The following GLI2 variants were observed in gnomAD, a reference collection of about 807,000 sequenced individuals.
GLI2 encodes GLI family zinc finger 2, also known as transcription activator GLI2.
Under a neutral mutation model 78.9 loss-of-function variants are expected in GLI2, and 22 were observed. The ratio of observed to expected loss-of-function variants is 0.28; its 90% CI spans 0.20 to 0.40. The LOEUF (loss-of-function observed/expected upper bound fraction) is 0.40, where lower values mean the gene tolerates loss of function less well. Ranked by LOEUF, GLI2 falls within the 10% of genes least tolerant of loss-of-function variation. The probability of loss-of-function intolerance (pLI) is 1.00; values close to 1 mark genes in which losing one functional copy is unlikely to be tolerated. For missense variants in GLI2, 2,097 were observed against 2,213.2 expected, an observed-to-expected ratio of 0.95 and a Z score of 1.05; for synonymous variants, 974 against 963.7, an observed-to-expected ratio of 1.01 and a Z score of -0.20.
intron 1 of GLI2, among the ~76,000 whole-genome samples, chr2:120,752,430 C>T (rs143171563): frequency 5.9e-5 from 9 of 152,130 alleles, no homozygotes; most frequent in African/African-American, 9.6e-5. Context: ...CCACGATGCT[C>T]GGCTAACTTT....
chr2:120,945,192 G>A (rs961754567), intron 3 of GLI2, among the ~76,000 whole-genome samples: 9 of 152,340 alleles, frequency 5.9e-5, no homozygotes, highest in East Asian at 5.8e-4. Context: ...TCGGGAAGAA[G>A]CATAGGCGTC....
chr2:120,817,795 C>T (rs72971933), intron 2 of GLI2, among the ~76,000 whole-genome samples: 3,666 of 152,186 alleles, frequency 0.024, 132 homozygotes, highest in African/African-American at 0.082. Context: ...CACCTGGCCC[C>T]GCTCCAGACT....
At chr2:120,838,098 T>A (rs1220974087) in intron 2 of GLI2, among the ~76,000 whole-genome samples, 1 of 152,226 alleles carries the variant, frequency 6.6e-6, no homozygotes, top group African/African-American at 2.4e-5. Context: ...CATTTTGAGT[T>A]TTCCCGCCCA....
At chr2:120,788,557 C>T (rs1558796191) in intron 1 of GLI2, among the ~76,000 whole-genome samples, 1 of 152,224 alleles carries the variant, frequency 6.6e-6, no homozygotes, top group Admixed American at 6.5e-5. Flanking sequence ...CAACTCTTAT[C>T]GGAGGCTGGC....
At chr2:120,982,620 G>GGAGCA (rs2105063603) in intron 10 of GLI2, 96 bp from the exon 11 acceptor site, 2 of 1,015,152 alleles carry the variant, frequency 2.0e-6, no homozygotes, top group South Asian at 1.5e-5. Flanking sequence ...CTGACGGGTT[G>GGAGCA]GAGCAGAGCA....
chr2:120,859,482 G>C (rs1340842519), intron 2 of GLI2, among the ~76,000 whole-genome samples: 7 of 133,920 alleles, frequency 5.2e-5, no homozygotes, highest in African/African-American at 1.7e-4. Context: ...TTTTGACAGA[G>C]TCTCGCTCTG....
intron 2 of GLI2, among the ~76,000 whole-genome samples, chr2:120,918,656 GT>G (rs1268655240): frequency 6.6e-6 from 1 of 152,142 alleles, no homozygotes; most frequent in Non-Finnish European, 1.5e-5. Flanking sequence ...GGCCAGGATG[GT>G]GTCAAACTCC....
chr2:120,927,611 T>C (rs555092146), intron 3 of GLI2, 145 bp downstream of exon 3: 123 of 731,872 alleles, frequency 1.7e-4, no homozygotes, highest in African/African-American at 1.6e-3. Context: ...CGATCACCTT[T>C]GCTATCATGG....
At position 120,974,995 on chromosome 2, in the gene GLI2, G is replaced by A. The variant is rs759570124; in HGVS notation, c.1203G>A (p.Lys401=). ...CCCAGGAGCAGCTGGCTGACCTCAA[G>A]GAAGATCTGGACAGGGATGACTGTA... ...ALTQEQLADL[K]EDLDRDDCKQ... The change falls in exon 9 of 14, where the codon AAG becomes AAA. Residue 401 remains lysine (K), a synonymous_variant. Coordinates refer to ENST00000361492, the MANE Select transcript of GLI2 (RefSeq NM_001374353.1). The A allele has an allele frequency of 6.2e-7, 1 of 1,614,204 alleles. No individual in the cohort carries two copies. The highest frequency in any genetic ancestry group is 8.5e-7 in the Non-Finnish European group (1 of 1,180,036).
intron 1 of GLI2, among the ~76,000 whole-genome samples, chr2:120,757,224 C>CTTTTTTTTTTTTTTTTTTTTTT (rs33940321): frequency 7.5e-6 from 1 of 132,962 alleles, no homozygotes. Context: ...TACTTTTCTG[C>CTTTTTTTTTTTTTTTTTTTTTT]TTTTTTTTTT....
intron 2 of GLI2, among the ~76,000 whole-genome samples, chr2:120,923,244 AC>A (rs1454034337): frequency 1.1e-3 from 32 of 28,876 alleles, no homozygotes; most frequent in South Asian, 7.1e-3. Context: ...CAACACACAC[AC>A]ACAACAGCAC....
chr2:120,933,789 G>A (rs142782834), intron 3 of GLI2, among the ~76,000 whole-genome samples: 12 of 152,172 alleles, frequency 7.9e-5, no homozygotes, highest in African/African-American at 2.4e-4. Flanking sequence ...TCCTGGTTCG[G>A]GGGGCTGGGG....
chr2:120,898,177 A>AACACACACACACACAC (rs55794893), intron 2 of GLI2, among the ~76,000 whole-genome samples: 222 of 140,300 alleles, frequency 1.6e-3, no homozygotes, highest in African/African-American at 3.2e-3. Flanking sequence ...TATAGATTAA[A>AACACACACACACACAC]ACACACACAC....
intron 2 of GLI2, among the ~76,000 whole-genome samples, chr2:120,839,198 T>C (rs1686751586): frequency 6.7e-6 from 1 of 150,156 alleles, no homozygotes; most frequent in African/African-American, 2.5e-5. Flanking sequence ...TATTTTAATA[T>C]ATTTGTATAT....
chr2:120,979,740 ACTCCTAATTCTGTCCTTCCCACAGCCC>A (rs1224708638), intron 10 of GLI2, among the ~76,000 whole-genome samples: 38 of 151,986 alleles, frequency 2.5e-4, no homozygotes, highest in East Asian at 7.7e-4. Flanking sequence ...ATTAGCAGCC[ACTCCTAATTCTGTCCTTCCCACAGCCC>A]CTCCTAATTC....
intron 1 of GLI2, among the ~76,000 whole-genome samples, chr2:120,761,203 G>C (rs911524724): frequency 1.3e-5 from 2 of 152,240 alleles, no homozygotes; most frequent in African/African-American, 4.8e-5. Flanking sequence ...ATTCAGGCTA[G>C]AATCTGGGCT....
intron 2 of GLI2, among the ~76,000 whole-genome samples, chr2:120,887,884 G>A (rs550268228): frequency 2.0e-5 from 3 of 152,314 alleles, no homozygotes; most frequent in South Asian, 4.1e-4. Context: ...AATATGACAG[G>A]CGCTAAGAAG....
chr2:120,774,526 T>C (rs1052418083), intron 1 of GLI2, among the ~76,000 whole-genome samples: 1 of 152,194 alleles, frequency 6.6e-6, no homozygotes, highest in African/African-American at 2.4e-5. Flanking sequence ...CACCTTTTCA[T>C]GTGTATTTAT....
chr2:120,869,870 G>T (rs1455346538), intron 2 of GLI2, among the ~76,000 whole-genome samples: 1 of 152,062 alleles, frequency 6.6e-6, no homozygotes, highest in Non-Finnish European at 1.5e-5. Flanking sequence ...GGGCCCTGCA[G>T]GGGGACCTTC....
Sources: allele counts gnomAD v4.1 joint callset (sites outside exome capture counted in the v4.1 genomes callset), GRCh38; gene constraint gnomAD v4.1.1; transcripts MANE v1.5; gene names NCBI Gene and HGNC (gene_info 2026-07-23, HGNC 2026-07-21).